The following CRB1 variants were observed in gnomAD, a reference collection of about 807,000 sequenced individuals.
CRB1 encodes protein crumbs homolog 1.
A neutral mutation model predicts 120.0 loss-of-function variants in CRB1; 83 were observed. The observed-to-expected ratio is 0.69, with a 90% CI of 0.58 to 0.83. CRB1 has a LOEUF of 0.83. CRB1 is among the 40% of genes least tolerant of loss of function. The pLI is 0.00. For missense variants in CRB1, 1,699 were observed against 1,687.6 expected, an observed-to-expected ratio of 1.01 and a Z score of -0.12; for synonymous variants, 625 against 612.5, an observed-to-expected ratio of 1.02 and a Z score of -0.30.
chr1:197,211,298 A>G, the CRB1 span, among the ~76,000 whole-genome samples: 5 of 152,260 alleles, frequency 3.3e-5, no homozygotes, highest in South Asian at 1.0e-3. Flanking sequence ...CCTCTAAAAC[A>G]GACTTCCGAG....
At chr1:197,442,116 C>T (rs752756246) in intron 10 of CRB1, 50 bp from the exon 11 acceptor site, 12 of 1,613,228 alleles carry the variant, frequency 7.4e-6, no homozygotes, top group Non-Finnish European at 1.0e-5. Flanking sequence ...ATTTCACAAC[C>T]AATGTATTCA....
intron 4 of CRB1, among the ~76,000 whole-genome samples, chr1:197,352,128 CAT>C (rs767697830): frequency 6.6e-5 from 10 of 152,140 alleles, no homozygotes; most frequent in Non-Finnish European, 1.3e-4. Context: ...TGTTAACAAA[CAT>C]AATATAAGAA....
At chr1:197,358,053 G>T (rs1571899037) in intron 5 of CRB1, 1 of 152,252 alleles carries the variant, frequency 6.6e-6, no homozygotes, top group Admixed American at 6.5e-5. Context: ...CTGATTAAAT[G>T]CATGAAATAA....
At chr1:197,218,917 A>C in the CRB1 span, among the ~76,000 whole-genome samples, 5 of 152,188 alleles carry the variant, frequency 3.3e-5, no homozygotes, top group African/African-American at 1.2e-4. Flanking sequence ...AGAAGTTAAG[A>C]GTTAGGAAAA....
At chr1:197,467,108 G>A (rs1666780367) in intron 11 of CRB1, among the ~76,000 whole-genome samples, 1 of 152,138 alleles carries the variant, frequency 6.6e-6, no homozygotes. Context: ...AAGGGGTAAT[G>A]GAAGAAGCAA....
intron 5 of CRB1, among the ~76,000 whole-genome samples, chr1:197,385,835 A>C (rs1246338805): frequency 6.6e-6 from 1 of 152,030 alleles, no homozygotes; most frequent in Non-Finnish European, 1.5e-5. Context: ...TAATGACCCA[A>C]AAATGATAGA....
intron 6 of CRB1, among the ~76,000 whole-genome samples, chr1:197,424,412 T>C (rs1181816789): frequency 6.6e-6 from 1 of 152,196 alleles, no homozygotes; most frequent in East Asian, 1.9e-4. Context: ...TCTCGAGCCA[T>C]CTAAACCATC....
Position 197,285,361 on chromosome 1 carries a change from G to T in CRB1, c.70+16879G>T, listed in dbSNP as rs182559834. 1.2e-4 allele frequency among the ~76,000 whole-genome samples: 18 copies of T among 151,940 alleles called. No homozygotes were observed. In the East Asian group the frequency reaches 3.3e-3, roughly 28 times the overall value. On this transcript the variant is annotated intron_variant, in intron 1 of 11. Coordinates refer to ENST00000367400, the MANE Select transcript of CRB1 (RefSeq NM_201253.3). ...GATAAGAGAATAGATGAGGCAACTT[G>T]TTAGAAGGCCTTGCCCTTTAGAGAA...
chr1:197,286,763 C>T (rs1412884707), intron 1 of CRB1, among the ~76,000 whole-genome samples: 1 of 151,864 alleles, frequency 6.6e-6, no homozygotes, highest in African/African-American at 2.4e-5. Context: ...GAAGAAATCA[C>T]TGACATAGTT....
chr1:197,434,847 A>G lies in CRB1; in HGVS notation c.2984A>G (p.Glu995Gly), dbSNP rs778596427. ...GTAATAATATTGCATGCAGAAAAAG[A>G]GCCTGAATTTCTTAATATTAGCATT... The part of the protein sequence containing the change: ...ANVIILHAEK[E>G]PEFLNISIQD... Residue 995 changes from glutamate to glycine, a missense_variant, in exon 9 of 12, where the codon GAG becomes GGG. Glu to Gly is a moderately conservative substitution (Grantham distance 98). Coordinates refer to ENST00000367400, the MANE Select transcript of CRB1 (RefSeq NM_201253.3). The G allele has an allele frequency of 1.2e-6, 2 of 1,613,888 alleles. No homozygotes were observed. Among genetic ancestry groups the G allele is most frequent in the South Asian group, 1.1e-5 (1 of 91,082 alleles).
intron 2 of CRB1, among the ~76,000 whole-genome samples, chr1:197,333,057 A>G (rs748374599): frequency 2.0e-5 from 3 of 152,190 alleles, no homozygotes; most frequent in Non-Finnish European, 2.9e-5. Context: ...TGTGCACCAC[A>G]TCCAAATTTA....
intron 11 of CRB1, among the ~76,000 whole-genome samples, chr1:197,464,939 C>A (rs958901890): frequency 6.6e-6 from 1 of 152,140 alleles, no homozygotes; most frequent in Admixed American, 6.5e-5. Flanking sequence ...GAGAACTTGT[C>A]ATGCAATTTG....
At chr1:197,241,403 G>A in the CRB1 span, among the ~76,000 whole-genome samples, 6 of 152,144 alleles carry the variant, frequency 3.9e-5, no homozygotes, top group East Asian at 9.7e-4. Context: ...AGGACCAGTT[G>A]CAGTTTTCTG....
At chr1:197,476,399 C>CGT (rs961112326) in intron 11 of CRB1, among the ~76,000 whole-genome samples, 7 of 144,812 alleles carry the variant, frequency 4.8e-5, no homozygotes, top group Non-Finnish European at 1.1e-4. Context: ...TGTGTGTGTG[C>CGT]GCGTCTTCCT....
chr1:197,454,014 G>A (rs1309784724), intron 11 of CRB1, among the ~76,000 whole-genome samples: 1 of 144,646 alleles, frequency 6.9e-6, no homozygotes, highest in Non-Finnish European at 1.5e-5. Context: ...TTGTAGAGAT[G>A]AGGTCTCACT....
intron 1 of CRB1, among the ~76,000 whole-genome samples, chr1:197,323,817 C>T (rs1571839175): frequency 6.6e-6 from 1 of 152,150 alleles, no homozygotes; most frequent in Non-Finnish European, 1.5e-5. Flanking sequence ...AAGCCAGACC[C>T]TGTGCTTAGG....
chr1:197,326,930 T>G (rs974513612), intron 1 of CRB1, among the ~76,000 whole-genome samples: 1 of 151,684 alleles, frequency 6.6e-6, no homozygotes, highest in Non-Finnish European at 1.5e-5. Context: ...TTGTACCTTT[T>G]TAATTATTTT....
chr1:197,427,836 C>A lies in CRB1; in HGVS notation c.2511C>A (p.Asp837Glu). The A allele has an allele frequency of 6.2e-7, 1 of 1,614,000 alleles. No individual in the cohort carries two copies. The highest frequency in any genetic ancestry group is 8.5e-7 in the Non-Finnish European group (1 of 1,179,976). ...TCATCTACATTGGTGGCCTACCTGA[C>A]AAGCAAGAGACTGAACTTAATGGTG... ...GDVIYIGGLPDKQETELNGGF... is the reference protein window; with the variant it reads ...GDVIYIGGLPEKQETELNGGF... Residue 837 changes from aspartate (D) to glutamate (E), a missense_variant, in exon 7 of 12, where the codon GAC becomes GAA. Asp to Glu is a conservative substitution (Grantham distance 45). Transcript: ENST00000367400.
chr1:197,277,137 G>A (rs1430448456), intron 1 of CRB1, among the ~76,000 whole-genome samples: 1 of 151,822 alleles, frequency 6.6e-6, no homozygotes, highest in Non-Finnish European at 1.5e-5. Flanking sequence ...AATAATAAAA[G>A]TTTTCATTCT....
Sources: gnomAD v4.1 joint callset for allele counts (sites outside exome capture counted in the v4.1 genomes callset) on GRCh38, gnomAD v4.1.1 for gene constraint, MANE v1.5 for transcripts, NCBI Gene and HGNC (gene_info 2026-07-23, HGNC 2026-07-21) for gene names.